Variants in SEMA6C observed in about 807,000 individuals in gnomAD.
SEMA6C encodes semaphorin-6C.
In SEMA6C, 37 loss-of-function variants were observed where a neutral mutation model predicts 72.9. That is an observed-to-expected ratio of 0.51 (90% CI 0.39 to 0.67). The LOEUF (loss-of-function observed/expected upper bound fraction) is 0.67. SEMA6C is among the 30% of genes least tolerant of loss of function. The probability of loss-of-function intolerance (pLI) is 0.00; values close to 1 mark genes in which losing one functional copy is unlikely to be tolerated. For missense variants in SEMA6C, 1,189 were observed against 1,263.6 expected (o/e 0.94, Z 0.89); for synonymous variants, 578 against 554.1 (o/e 1.04, Z -0.61).
chr1:151,138,611 C>T lies in SEMA6C; in HGVS notation c.456+19G>A, dbSNP rs1260434029. On this transcript the variant is annotated intron_variant, in intron 7 of 18. Coordinates refer to ENST00000368914, the MANE Select transcript of SEMA6C (RefSeq NM_030913.6). ...GGTCCCCCCAACTCCCATCCTAACC[C>T]CCACCCTCTCTTTTGTACCCCATAG... 3.1e-6 allele frequency: 5 copies of T among 1,609,624 alleles called. No homozygotes were observed. Among genetic ancestry groups the T allele is most frequent in the Non-Finnish European group, 4.3e-6 (5 of 1,175,844 alleles).
chr1:151,136,219 C>T (rs587616551), intron 12 of SEMA6C, 56 bp from the exon 13 acceptor site: 15 of 1,601,590 alleles, frequency 9.4e-6, no homozygotes, highest in Admixed American at 1.7e-5. Flanking sequence ...GCTTAGTTAA[C>T]CTCTGTGCCC....
At chr1:151,144,936 C>T (rs1452391312) in intron 1 of SEMA6C, 1 of 152,416 alleles carries the variant, frequency 6.6e-6, no homozygotes, top group Non-Finnish European at 1.5e-5. Flanking sequence ...CACACACACT[C>T]ACACCCCACT....
rs1290856964 is a variant in SEMA6C at position 151,145,399 on chromosome 1, C to G, written c.-104-965G>C. On this transcript the variant is annotated intron_variant, in intron 1 of 18. Transcript: ENST00000368914. This position sits in a 1 kb window ranked among gnomAD's most constrained non-coding sequence, Gnocchi z 4.4. ...GAGGGAGCAGGGTCGCGCCAAGGAG[C>G]CTGTGGAACCGGAGCTTTCCTTTCT... The G allele has an allele frequency of 6.6e-6, 1 of 152,508 alleles. No individual in the cohort carries two copies. The highest frequency in any genetic ancestry group is 2.4e-5 in the African/African-American group (1 of 41,460). 9.4% of individuals were successfully genotyped at this position (152,508 alleles called of 1,614,324 possible).
At chr1:151,136,331 C>T in intron 12 of SEMA6C, 117 bp downstream of exon 12, 3 of 1,500,034 alleles carry the variant, frequency 2.0e-6, no homozygotes. Context: ...CCCACTGCCA[C>T]CCCACTATAG....
chr1:151,144,890 G>A (rs1003901110), intron 1 of SEMA6C: 3 of 152,312 alleles, frequency 2.0e-5, no homozygotes, highest in Admixed American at 6.5e-5. Flanking sequence ...CTCCCTGAGA[G>A]AGCAGGCTGT....
rs1413660312 is a variant in SEMA6C at position 151,132,604 on chromosome 1, GCCC to G, written c.2670_2672del (p.Glu890_Gly891delinsAsp). 6.4e-7 allele frequency: 1 copy of G among 1,551,326 alleles called. No individual in the cohort carries two copies. Among genetic ancestry groups the G allele is most frequent in the South Asian group, 1.2e-5 (1 of 84,152 alleles). On this transcript the variant is annotated inframe_deletion, in exon 19 of 19. Coordinates refer to ENST00000368914, the MANE Select transcript of SEMA6C (RefSeq NM_030913.6). ...CCCTTTTCAGGGCGCGGCCCCGGTA[GCCC>G]TCGGGCCGGCCCAGGTACAGGAGGT...
At chr1:151,135,401 G>A in intron 14 of SEMA6C, 92 bp from the exon 15 acceptor site, 1 of 1,524,946 alleles carries the variant, frequency 6.6e-7, no homozygotes, top group Non-Finnish European at 8.9e-7. Flanking sequence ...AGGCACACAA[G>A]CAACTGAGCA....
Position 151,133,011 on chromosome 1 carries a change from C to A in SEMA6C, c.2266G>T (p.Gly756Cys). The A allele has an allele frequency of 7.1e-7, 1 of 1,404,752 alleles. No individual in the cohort carries two copies. Among genetic ancestry groups the A allele is most frequent in the Non-Finnish European group, 9.3e-7 (1 of 1,077,362 alleles). The allele number at this position is 1,404,752 out of a possible 1,614,324, so 87.0% of individuals were successfully genotyped here. A position where few individuals can be genotyped will look rare whatever the true frequency, so the allele number is the denominator to read the frequency against. Residue 756 changes from glycine to cysteine, a missense_variant, in exon 19 of 19, where the codon GGC becomes TGC. Gly to Cys is a radical substitution (Grantham distance 159). Around this residue, in one of 2 missense-constraint regions of SEMA6C, gnomAD observed 721 missense variants for 686.2 expected, o/e 1.05. Coordinates refer to ENST00000368914, the MANE Select transcript of SEMA6C (RefSeq NM_030913.6). The surrounding 1 kb of genome is among the most constrained non-coding windows in gnomAD (Gnocchi z 5.9). ...ACTTCCACGGCCTGCCCGGGACAGCCGGGCGGCGGTGGCCTCACCAGCACG... is the reference window on the plus strand; with the variant it reads ...ACTTCCACGGCCTGCCCGGGACAGCAGGGCGGCGGTGGCCTCACCAGCACG... ...PRVLVRPPPP[G>C]CPGQAVEVTT...
At position 151,135,602 on chromosome 1, in the gene SEMA6C, G is replaced by A; in HGVS notation, c.1422C>T (p.Tyr474=). The part of the protein sequence containing the change: ...EPILLEEIDA[Y]SPARCSGKRT... ...TCCAAAGGCCTCACCGGGCAGGGCT[G>A]TAGGCATCAATCTCTTCCAGGAGGA... The change falls in exon 14 of 19, where the codon TAC becomes TAT. Residue 474 remains tyrosine, a synonymous_variant. Transcript: ENST00000368914. 1.2e-6 allele frequency: 2 copies of A among 1,613,806 alleles called. No individual in the cohort carries two copies. Among genetic ancestry groups the A allele is most frequent in the Non-Finnish European group, 8.5e-7 (1 of 1,179,844 alleles).
At position 151,131,795 on chromosome 1, in the gene SEMA6C, A is replaced by T. The variant is rs895588761; in HGVS notation, c.*689T>A. ...CTAGGCCTTTAAGAAAGTCCCTCTT[A>T]CCTCGATCTGGAAACGAGCTCCGAG... On this transcript the variant is annotated 3_prime_UTR_variant, in exon 19 of 19. Coordinates refer to ENST00000368914, the MANE Select transcript of SEMA6C (RefSeq NM_030913.6). 2.4e-5 allele frequency: 4 copies of T among 163,334 alleles called. No individual in the cohort carries two copies. Among genetic ancestry groups the T allele is most frequent in the African/African-American group, 9.7e-5 (4 of 41,428 alleles). The allele number at this position is 163,334 out of a possible 1,614,324, so 10.1% of individuals were successfully genotyped here.
At position 151,132,664 on chromosome 1, in the gene SEMA6C, A is replaced by G. The variant is rs1681641909; in HGVS notation, c.2613T>C (p.Gly871=). Residue 871 remains glycine (G), a synonymous_variant, in exon 19 of 19, where the codon GGT becomes GGC. Transcript: ENST00000368914. ...CGGGACCCCCGGAGTACCTGGAGGG[A>G]CCTCCCGAGGGGACTCGAGTGAGCA... is the stretch of plus-strand genomic sequence containing the variant. The part of the protein sequence containing the change: ...PALLTRVPSG[G]PSRYSGGPGK... 1.3e-6 allele frequency: 2 copies of G among 1,548,350 alleles called. No individual in the cohort carries two copies. Among genetic ancestry groups the G allele is most frequent in the South Asian group, 1.2e-5 (1 of 83,856 alleles).
intron 12 of SEMA6C, 24 bp downstream of exon 12, chr1:151,136,424 C>T (rs1558182569): frequency 6.2e-7 from 1 of 1,607,190 alleles, no homozygotes; most frequent in Non-Finnish European, 8.5e-7. Context: ...TCTGCCCCCA[C>T]AAAAACAACT....
chr1:151,133,645 T>G lies in SEMA6C; in HGVS notation c.1760-128A>C. Reference sequence around the variant, plus strand: ...TCCCGCTGCTACTCAGCCTCACTCCTACAGCCTCCACCATCCTCAGGATTC... The same window carrying G: ...TCCCGCTGCTACTCAGCCTCACTCCGACAGCCTCCACCATCCTCAGGATTC... On this transcript the variant is annotated intron_variant, in intron 18 of 18. Coordinates refer to ENST00000368914, the MANE Select transcript of SEMA6C (RefSeq NM_030913.6). This position sits in a 1 kb window ranked among gnomAD's most constrained non-coding sequence, Gnocchi z 5.9. The G allele has an allele frequency of 7.2e-7, 1 of 1,391,964 alleles. No homozygotes were observed. The highest frequency in any genetic ancestry group is 1.5e-5 in the South Asian group (1 of 65,882). 86.2% of individuals were successfully genotyped at this position (1,391,964 alleles called of 1,614,324 possible).
At chr1:151,142,072 C>T (rs1290956282) in intron 3 of SEMA6C, among the ~76,000 whole-genome samples, 1 of 146,046 alleles carries the variant, frequency 6.8e-6, no homozygotes, top group Non-Finnish European at 1.5e-5. Flanking sequence ...GACGGAGTCT[C>T]GCTCTGTTGC....
At position 151,136,509 on chromosome 1, in the gene SEMA6C, C is replaced by T. The variant is rs587640975; in HGVS notation, c.1045G>A (p.Glu349Lys). 6.2e-7 allele frequency: 1 copy of T among 1,614,122 alleles called. No homozygotes were observed. Among genetic ancestry groups the T allele is most frequent in the African/African-American group, 1.3e-5 (1 of 75,026 alleles). Residue 349 changes from glutamate (E) to lysine (K), a missense_variant, in exon 12 of 19, where the codon GAG becomes AAG. Glu to Lys is a moderately conservative substitution (Grantham distance 56). Around this residue, in one of 2 missense-constraint regions of SEMA6C, gnomAD observed 468 missense variants for 577.4 expected, o/e 0.81. Coordinates refer to ENST00000368914, the MANE Select transcript of SEMA6C (RefSeq NM_030913.6). ...CAGGCCCCATCCAGACTCCTCTGCT[C>T]CTTGAACTTGCCCTCAAACCCACGC... is the stretch of plus-strand genomic sequence containing the variant. ...IERGFEGKFK[E>K]QRSLDGAWTP... is the part of the protein sequence containing the mutation.
At chr1:151,135,869 C>A in intron 13 of SEMA6C, 105 bp from the exon 14 acceptor site, 2 of 1,510,916 alleles carry the variant, frequency 1.3e-6, no homozygotes, top group Non-Finnish European at 1.8e-6. Context: ...TTCCCCCAGG[C>A]CCCAGGGTTG....
chr1:151,137,020 G>A lies in SEMA6C; in HGVS notation c.811C>T (p.Arg271Trp), dbSNP rs371512711. The A allele has an allele frequency of 3.8e-5, 61 of 1,613,912 alleles. No individual in the cohort carries two copies. The highest frequency in any genetic ancestry group is 1.7e-4 in the Middle Eastern group (1 of 5,984). ...GATGTCCAGTGGCGGTCCAAGGCCC[G>A]AGGCGAGCCGCCCATGTCACGTTTA... is the stretch of plus-strand genomic sequence containing the variant. ...VCKRDMGGSP[R>W]ALDRHWTSFL... Residue 271 changes from arginine (R) to tryptophan (W), a missense_variant, in exon 11 of 19, where the codon CGG becomes TGG. By Grantham distance (101) the Arg-to-Trp change is moderately radical. This residue lies in a region of SEMA6C where 468 missense variants were observed against 577.4 expected (regional missense o/e 0.81). Transcript: ENST00000368914.
chr1:151,133,329 A>T lies in SEMA6C; in HGVS notation c.1948T>A (p.Ser650Thr). Residue 650 changes from serine to threonine, a missense_variant, in exon 19 of 19, where the codon TCC becomes ACC. Transcript: ENST00000368914. The surrounding 1 kb of genome is among the most constrained non-coding windows in gnomAD (Gnocchi z 5.9). ...IETPGLPRPL[S>T]LRSLARLHGG... ...TGGAGCCGGGCCAAACTGCGGAGGG[A>T]GAGAGGGCGCGGGAGCCCCGGAGTC... is the stretch of plus-strand genomic sequence containing the variant. The T allele has an allele frequency of 6.3e-7, 1 of 1,594,308 alleles. No homozygotes were observed.
Position 151,132,920 on chromosome 1 carries a change from G to A in SEMA6C, c.2357C>T (p.Pro786Leu). 7.2e-7 allele frequency: 1 copy of A among 1,387,450 alleles called. No homozygotes were observed. The highest frequency in any genetic ancestry group is 1.4e-5 in the South Asian group (1 of 74,048). The allele number at this position is 1,387,450 out of a possible 1,614,324, so 85.9% of individuals were successfully genotyped here. The change falls in exon 19 of 19, where the codon CCC (proline) becomes CTC (leucine). Residue 786 changes from proline (P) to leucine (L), a missense_variant. Pro to Leu is a moderately conservative substitution (Grantham distance 98). Transcript: ENST00000368914. ...CGCCCGCGAGGTTAAAGGGGCGGGG[G>A]GCTCGGCCCCCTTTCTGGGCGGCTG... ...GPQPPRKGAE[P>L]PAPLTSRALP... is the part of the protein sequence containing the mutation.
Sources: gnomAD v4.1 joint callset for allele counts (sites outside exome capture counted in the v4.1 genomes callset) on GRCh38, gnomAD v4.1.1 for gene constraint, gnomAD v4.1.1 regional missense constraint, Gnocchi (gnomAD v3.1) non-coding constraint, MANE v1.5 for transcripts, NCBI Gene and HGNC (gene_info 2026-07-23, HGNC 2026-07-21) for gene names.